The following CCDC88C variants were observed in gnomAD, a reference collection of about 807,000 sequenced individuals.
The protein encoded by CCDC88C is protein Daple.
In CCDC88C, 131 loss-of-function variants were observed where a neutral mutation model predicts 198.8. The observed-to-expected ratio is 0.66, with a 90% CI of 0.57 to 0.76. The LOEUF (loss-of-function observed/expected upper bound fraction) is 0.76, where lower values mean the gene tolerates loss of function less well. CCDC88C is among the 30% of genes least tolerant of loss of function. CCDC88C has a pLI of 0.00. For synonymous variants in CCDC88C, 1,166 were observed against 1,114.7 expected, an observed-to-expected ratio of 1.05 and a Z score of -0.92; for missense variants, 2,553 against 2,631.6, an observed-to-expected ratio of 0.97 and a Z score of 0.65.
At chr14:91,399,057 G>C (rs1184662363) in intron 3 of CCDC88C, among the ~76,000 whole-genome samples, 2 of 152,108 alleles carry the variant, frequency 1.3e-5, no homozygotes, top group African/African-American at 4.8e-5. Flanking sequence ...CTCCCACTTG[G>C]GGGACTCCTC....
intron 26 of CCDC88C, among the ~76,000 whole-genome samples, chr14:91,282,922 C>T (rs1336134856): frequency 6.6e-6 from 1 of 152,194 alleles, no homozygotes; most frequent in East Asian, 1.9e-4. Context: ...TACACATACA[C>T]ACACTAATTT....
chr14:91,366,030 C>T (rs1194136461), intron 3 of CCDC88C, among the ~76,000 whole-genome samples: 1 of 152,050 alleles, frequency 6.6e-6, no homozygotes, highest in Non-Finnish European at 1.5e-5. Context: ...GTGATTAGGG[C>T]AAGAGCAAGT....
At chr14:91,362,912 G>C (rs1894374126) in intron 3 of CCDC88C, among the ~76,000 whole-genome samples, 1 of 150,508 alleles carries the variant, frequency 6.6e-6, no homozygotes, top group Non-Finnish European at 1.5e-5. Context: ...CTGGGTGACA[G>C]AGCGAGACTC....
Position 91,273,160 on chromosome 14 carries a change from G to A in CCDC88C, c.5552C>T (p.Pro1851Leu), listed in dbSNP as rs1354103913. The change falls in exon 30 of 30, where the codon CCC (proline) becomes CTC (leucine). Residue 1851 changes from proline to leucine, a missense_variant. By Grantham distance (98) the Pro-to-Leu change is moderately conservative. Coordinates refer to ENST00000389857, the MANE Select transcript of CCDC88C (RefSeq NM_001080414.4). The surrounding 1 kb of genome is among the most constrained non-coding windows in gnomAD (Gnocchi z 5.6). The stretch of plus-strand genomic sequence containing the variant: ...CTCCCGGGCCAGGCTATGGGAGCTG[G>A]GGGGTGCGGGGCTTTGCAGGGTGTG... Reference protein sequence around the residue: ...GSHTLQSPAPPSSHSLARERT... With the variant: ...GSHTLQSPAPLSSHSLARERT... 1.3e-6 allele frequency: 2 copies of A among 1,580,828 alleles called. No homozygotes were observed. Among genetic ancestry groups the A allele is most frequent in the Admixed American group, 3.6e-5 (2 of 55,208 alleles).
intron 1 of CCDC88C, 78 bp downstream of exon 1, chr14:91,417,553 C>A (rs1887132836): frequency 1.4e-6 from 2 of 1,388,380 alleles, no homozygotes; most frequent in South Asian, 1.3e-5. Context: ...CCGGCCGTGT[C>A]GGGTCTGCGG....
chr14:91,374,179 C>A (rs771600464), intron 3 of CCDC88C, among the ~76,000 whole-genome samples: 4 of 152,194 alleles, frequency 2.6e-5, no homozygotes, highest in Non-Finnish European at 4.4e-5. Flanking sequence ...ACTAAACGCA[C>A]CCTCCCCCAT....
chr14:91,337,454 C>T (rs1314524190), intron 10 of CCDC88C, among the ~76,000 whole-genome samples: 2 of 152,246 alleles, frequency 1.3e-5, no homozygotes, highest in African/African-American at 2.4e-5. Flanking sequence ...ATCCTCCTGC[C>T]TCAGCCTCCT....
chr14:91,329,150 C>T (rs1295451109), intron 10 of CCDC88C, among the ~76,000 whole-genome samples: 1 of 152,228 alleles, frequency 6.6e-6, no homozygotes, highest in Non-Finnish European at 1.5e-5. Flanking sequence ...ATCCCTTGAA[C>T]TTCACCGAAG....
intron 3 of CCDC88C, among the ~76,000 whole-genome samples, chr14:91,360,474 A>G (rs1456303003): frequency 6.6e-6 from 1 of 152,142 alleles, no homozygotes; most frequent in African/African-American, 2.4e-5. Context: ...AAGAAGAAAT[A>G]AAGATTAAAG....
At position 91,394,858 on chromosome 14, in the gene CCDC88C, G is replaced by A. The variant is rs574951127; in HGVS notation, c.270+13801C>T. ...CAAATGAATCAGAGCGCATTACTCC[G>A]GGAGGGGTCCTTGGATAATCCGCTC... On this transcript the variant is annotated intron_variant, in intron 3 of 29. Transcript: ENST00000389857. Among the ~76,000 whole-genome samples, 211 of 152,244 alleles carry A rather than the reference G, an allele frequency of 1.4e-3. 1 individual carries two copies. The highest frequency in any genetic ancestry group is 2.2e-3 in the Non-Finnish European group (149 of 68,000).
At chr14:91,390,839 G>C (rs1885466379) in intron 3 of CCDC88C, among the ~76,000 whole-genome samples, 1 of 152,200 alleles carries the variant, frequency 6.6e-6, no homozygotes. Flanking sequence ...GAACCAGAGA[G>C]CGCAGAGGAC....
chr14:91,417,442 G>T, intron 1 of CCDC88C, 189 bp downstream of exon 1: 1 of 574,394 alleles, frequency 1.7e-6, no homozygotes. Context: ...CAACGGGGGC[G>T]CCGGCTCCAG....
chr14:91,319,229 C>G (rs1180291675), intron 13 of CCDC88C, among the ~76,000 whole-genome samples: 1 of 152,200 alleles, frequency 6.6e-6, no homozygotes, highest in Non-Finnish European at 1.5e-5. Flanking sequence ...CAAGACCTGT[C>G]GGCAATCCCT....
At position 91,342,439 on chromosome 14, in the gene CCDC88C, C is replaced by A; in HGVS notation, c.424G>T (p.Glu142Ter). 3 of 1,595,386 alleles carry A rather than the reference C, an allele frequency of 1.9e-6. No individual in the cohort carries two copies. The highest frequency in any genetic ancestry group is 2.3e-5 in the South Asian group (2 of 87,536). Residue 142 changes from glutamate (E) to a stop codon, truncating the protein, a stop_gained, in exon 6 of 30, where the codon GAA (glutamate) becomes TAA (stop). Transcript: ENST00000389857. LOFTEE classifies it high-confidence loss of function. Reference sequence around the variant, plus strand: ...TCAATGTCCAGCTGTTTGATTCTTTCAATGAACTCCTCTTTCCTCTCACAC... The same window carrying A: ...TCAATGTCCAGCTGTTTGATTCTTTAAATGAACTCCTCTTTCCTCTCACAC... ...VQCERKEEFI[E>*]RIKQLDIETQ...
intron 10 of CCDC88C, among the ~76,000 whole-genome samples, chr14:91,329,989 T>C (rs1892748731): frequency 6.6e-6 from 1 of 152,154 alleles, no homozygotes; most frequent in Non-Finnish European, 1.5e-5. Context: ...AGACAACAAA[T>C]GGGTGTTAGC....
rs1408881741 is a variant in CCDC88C at position 91,324,824 on chromosome 14, C to G, written c.1297G>C (p.Gly433Arg). Residue 433 changes from glycine (G) to arginine (R), a missense_variant, in exon 12 of 30, where the codon GGC (glycine) becomes CGC (arginine). Gly to Arg is a moderately radical substitution (Grantham distance 125). Transcript: ENST00000389857. Reference protein sequence around the residue: ...KQSMNESAHLGWELEQLSKNA... With the variant: ...KQSMNESAHLRWELEQLSKNA... Reference sequence around the variant, plus strand: ...TTGGACAGCTGCTCCAGCTCCCAGCCAAGGTGGGCAGATTCGTTCATGCTC... The same window carrying G: ...TTGGACAGCTGCTCCAGCTCCCAGCGAAGGTGGGCAGATTCGTTCATGCTC... The G allele has an allele frequency of 1.9e-6, 3 of 1,613,312 alleles. No individual in the cohort carries two copies. The highest frequency in any genetic ancestry group is 2.5e-6 in the Non-Finnish European group (3 of 1,179,908).
chr14:91,341,033 CATAAA>C (rs201461055), intron 6 of CCDC88C, among the ~76,000 whole-genome samples: 1,817 of 152,156 alleles, frequency 0.012, 28 homozygotes, highest in East Asian at 0.021. Flanking sequence ...AAGACAAACC[CATAAA>C]ATAAAAAGCA....
chr14:91,417,213 C>T, intron 1 of CCDC88C: 1 of 703,090 alleles, frequency 1.4e-6, no homozygotes, highest in African/African-American at 1.7e-5. Context: ...CCCGTCACCG[C>T]CATCCACCGG....
chr14:91,394,030 GC>G (rs1165640981), intron 3 of CCDC88C, among the ~76,000 whole-genome samples: 1 of 152,220 alleles, frequency 6.6e-6, no homozygotes, highest in Admixed American at 6.5e-5. Context: ...AATCTGACTT[GC>G]TGGGCAGAAG....
Sources: allele counts gnomAD v4.1 joint callset (sites outside exome capture counted in the v4.1 genomes callset), GRCh38; gene constraint gnomAD v4.1.1; non-coding constraint Gnocchi (gnomAD v3.1); transcripts MANE v1.5; gene names NCBI Gene and HGNC (gene_info 2026-07-23, HGNC 2026-07-21).